Variants in CSNK1G1 observed in about 807,000 individuals in gnomAD.
CSNK1G1 encodes casein kinase I isoform gamma-1.
In CSNK1G1, 22 loss-of-function variants were observed where a neutral mutation model predicts 59.6. The observed-to-expected ratio is 0.37, with a 90% CI of 0.26 to 0.53. The LOEUF (loss-of-function observed/expected upper bound fraction) is 0.53, where lower values mean the gene tolerates loss of function less well. CSNK1G1 is among the 20% of genes least tolerant of loss of function. The pLI, the probability that CSNK1G1 is intolerant of heterozygous loss-of-function variation, is 0.89. For missense variants in CSNK1G1, 384 were observed against 519.5 expected (o/e 0.74, Z 2.54); for synonymous variants, 179 against 177.1 (o/e 1.01, Z -0.08).
chr15:64,336,419 T>C (rs2140467161), intron 1 of CSNK1G1, among the ~76,000 whole-genome samples: 1 of 152,298 alleles, frequency 6.6e-6, no homozygotes, highest in East Asian at 1.9e-4. Context: ...CTACCTGCAC[T>C]CAATACTTAC....
chr15:64,166,267 T>C lies in CSNK1G1; in HGVS notation c.*5664A>G. 2.7e-6 allele frequency: 1 copy of C among 376,670 alleles called. No individual in the cohort carries two copies. Among genetic ancestry groups the C allele is most frequent in the Non-Finnish European group, 4.7e-6 (1 of 212,882 alleles). 23.3% of individuals were successfully genotyped at this position (376,670 alleles called of 1,614,324 possible). A position where few individuals can be genotyped will look rare whatever the true frequency, so the allele number is the denominator to read the frequency against. Reference sequence around the variant, plus strand: ...ACAGATAAATAATAATATAATAAATTAGAGCATGTAATACATCCTATGGGA... The same window carrying C: ...ACAGATAAATAATAATATAATAAATCAGAGCATGTAATACATCCTATGGGA... On this transcript the variant is annotated 3_prime_UTR_variant, in exon 12 of 12. Coordinates refer to ENST00000303052, the MANE Select transcript of CSNK1G1 (RefSeq NM_022048.5). This position sits in a 1 kb window ranked among gnomAD's most constrained non-coding sequence, Gnocchi z 4.5.
intron 1 of CSNK1G1, among the ~76,000 whole-genome samples, chr15:64,337,053 C>A (rs958106134): frequency 2.6e-5 from 4 of 151,798 alleles, no homozygotes; most frequent in Admixed American, 1.3e-4. Context: ...CATGGTGAAA[C>A]CCCATCTCTA....
chr15:64,276,105 GC>G (rs1444070292), intron 2 of CSNK1G1, among the ~76,000 whole-genome samples: 1 of 152,156 alleles, frequency 6.6e-6, no homozygotes, highest in Non-Finnish European at 1.5e-5. Flanking sequence ...GTAAAAGGCA[GC>G]CAGGGCCAAA....
chr15:64,354,303 TCAAACAAA>T (rs565576832), intron 1 of CSNK1G1, among the ~76,000 whole-genome samples: 1 of 152,138 alleles, frequency 6.6e-6, no homozygotes, highest in Non-Finnish European at 1.5e-5. Flanking sequence ...AGACTCTGTC[TCAAACAAA>T]CAAACAAACA....
chr15:64,226,762 G>T (rs2140284277), intron 4 of CSNK1G1, among the ~76,000 whole-genome samples: 1 of 152,138 alleles, frequency 6.6e-6, no homozygotes, highest in Non-Finnish European at 1.5e-5. Context: ...TTCAAAATCT[G>T]CCTCAAAACC....
In CSNK1G1 at chr15:64,259,285, TG is replaced by T. The variant is rs1459164109; in HGVS notation, c.182-45del. ...GTATATGTTTTAGTGACATTTATTCTGGGAAAAGCAAAGCAAAATATTAGCT... is the reference window on the plus strand; with the variant it reads ...GTATATGTTTTAGTGACATTTATTCTGGAAAAGCAAAGCAAAATATTAGCT... On this transcript the variant is annotated intron_variant, in intron 2 of 11. Transcript: ENST00000303052. 3 of 1,480,334 alleles carry T rather than the reference TG, an allele frequency of 2.0e-6. No individual in the cohort carries two copies. The Admixed American group carries it at 6.0e-5, about 30-fold the overall frequency. The allele number at this position is 1,480,334 out of a possible 1,614,324, so 91.7% of individuals were successfully genotyped here. A position where few individuals can be genotyped will look rare whatever the true frequency, so the allele number is the denominator to read the frequency against.
At chr15:64,273,964 A>G (rs1893467015) in intron 2 of CSNK1G1, among the ~76,000 whole-genome samples, 1 of 152,236 alleles carries the variant, frequency 6.6e-6, no homozygotes, top group Non-Finnish European at 1.5e-5. Flanking sequence ...TAAAAGTGAT[A>G]GACAAATTAT....
chr15:64,172,369 T>G (rs981267857), intron 11 of CSNK1G1, among the ~76,000 whole-genome samples: 1 of 152,118 alleles, frequency 6.6e-6, no homozygotes, highest in Non-Finnish European at 1.5e-5. Flanking sequence ...GTCTACTCCT[T>G]GATACTGAGG....
chr15:64,270,090 G>C (rs749862164), intron 2 of CSNK1G1, among the ~76,000 whole-genome samples: 1 of 152,216 alleles, frequency 6.6e-6, no homozygotes, highest in Non-Finnish European at 1.5e-5. Flanking sequence ...TTATAGGCAT[G>C]AGCCACCACA....
At chr15:64,193,915 G>C (rs576568950) in intron 10 of CSNK1G1, 1 of 152,324 alleles carries the variant, frequency 6.6e-6, no homozygotes, top group South Asian at 2.1e-4. Flanking sequence ...ACAGGTGTCT[G>C]CTGAAATACA....
At chr15:64,305,761 G>C (rs1895652959) in intron 1 of CSNK1G1, among the ~76,000 whole-genome samples, 1 of 90,978 alleles carries the variant, frequency 1.1e-5, no homozygotes, top group Non-Finnish European at 2.3e-5. Flanking sequence ...ACTCAAGACA[G>C]TGTGATATTG....
chr15:64,269,658 T>A lies in CSNK1G1; in HGVS notation c.182-10417A>T, dbSNP rs568775361. On this transcript the variant is annotated intron_variant, in intron 2 of 11. Transcript: ENST00000303052. ...ACAGGTGCATACTACCACGTCCAGCTAATTTTTGTATTTTTAGCAGAGACA... is the reference window on the plus strand; with the variant it reads ...ACAGGTGCATACTACCACGTCCAGCAAATTTTTGTATTTTTAGCAGAGACA... Among the ~76,000 whole-genome samples, 7 of 151,944 alleles carry A rather than the reference T, an allele frequency of 4.6e-5. No homozygotes were observed. In the South Asian group the frequency reaches 1.5e-3, roughly 32 times the overall value.
chr15:64,305,784 A>AC (rs1010057077), intron 1 of CSNK1G1, among the ~76,000 whole-genome samples: 15 of 151,510 alleles, frequency 9.9e-5, no homozygotes, highest in African/African-American at 9.7e-5. Flanking sequence ...AAAAAAAAAA[A>AC]ACACAAATAA....
intron 1 of CSNK1G1, among the ~76,000 whole-genome samples, chr15:64,336,360 T>C (rs1325040617): frequency 6.6e-6 from 1 of 152,214 alleles, no homozygotes; most frequent in Non-Finnish European, 1.5e-5. Flanking sequence ...CTTTCTTCCT[T>C]TCTTATTTGT....
intron 1 of CSNK1G1, among the ~76,000 whole-genome samples, chr15:64,331,893 C>T (rs1897129594): frequency 6.7e-6 from 1 of 148,772 alleles, no homozygotes; most frequent in Non-Finnish European, 1.5e-5. Flanking sequence ...CAAAAGAAGA[C>T]ATTTATGCAG....
At position 64,219,618 on chromosome 15, in the gene CSNK1G1, C is replaced by T. The variant is rs533871706; in HGVS notation, c.293-2905G>A. Among the ~76,000 whole-genome samples, 9 of 152,104 alleles carry T rather than the reference C, an allele frequency of 5.9e-5. No individual in the cohort carries two copies. In the East Asian group the frequency reaches 9.7e-4, roughly 16 times the overall value. ...GGAGCACAGGCACATGACACCACAT[C>T]GGGCTAGTTTCTTAAATTTTTTCCA... On this transcript the variant is annotated intron_variant, in intron 4 of 11. Transcript: ENST00000303052.
Position 64,314,606 on chromosome 15 carries a change from G to T in CSNK1G1, c.-224-13883C>A, listed in dbSNP as rs79163297. Among the ~76,000 whole-genome samples, 93 of 144,006 alleles carry T rather than the reference G, an allele frequency of 6.5e-4. 2 individuals are homozygous for T. In the East Asian group the frequency reaches 0.014, roughly 22 times the overall value. 94.5% of individuals were successfully genotyped at this position (144,006 alleles called of 152,430 possible). On this transcript the variant is annotated intron_variant, in intron 1 of 11. Transcript: ENST00000303052. ...AAACATATCCCTCAGCTGAGATTTT[G>T]TTCCCTTTAACCATGGTCTCACCAC...
intron 4 of CSNK1G1, among the ~76,000 whole-genome samples, chr15:64,219,694 A>G (rs1361930301): frequency 3.3e-5 from 5 of 152,000 alleles, no homozygotes; most frequent in Non-Finnish European, 7.4e-5. Context: ...TTCTGGGCTC[A>G]ACTGATCCTC....
chr15:64,318,178 A>T lies in CSNK1G1; in HGVS notation c.-224-17455T>A, dbSNP rs554192748. 5.2e-3 allele frequency among the ~76,000 whole-genome samples: 783 copies of T among 151,928 alleles called. 6 individuals carry two copies. Among genetic ancestry groups the T allele is most frequent in the African/African-American group, 0.016 (644 of 41,510 alleles). ...CAAAAAATTAATCATATATATATAT[A>T]TTTTTAATGGCTTTGTAGTTGTGGC... On this transcript the variant is annotated intron_variant, in intron 1 of 11. Coordinates refer to ENST00000303052, the MANE Select transcript of CSNK1G1 (RefSeq NM_022048.5).
Sources: allele counts gnomAD v4.1 joint callset (sites outside exome capture counted in the v4.1 genomes callset), GRCh38; gene constraint gnomAD v4.1.1; non-coding constraint Gnocchi (gnomAD v3.1); transcripts MANE v1.5; gene names NCBI Gene and HGNC (gene_info 2026-07-23, HGNC 2026-07-21).